TMTC2: variants seen among roughly 807,000 people sequenced by gnomAD.
TMTC2 encodes transmembrane O-mannosyltransferase targeting cadherins 2.
A neutral mutation model predicts 82.4 loss-of-function variants in TMTC2; 43 were observed. The observed-to-expected ratio is 0.52, with a 90% CI of 0.41 to 0.67. The LOEUF (loss-of-function observed/expected upper bound fraction) is 0.67, where lower values mean the gene tolerates loss of function less well. Ranked by LOEUF, TMTC2 falls within the 30% of genes least tolerant of loss-of-function variation. TMTC2 has a pLI of 0.00. For missense variants in TMTC2, 919 were observed against 1,012.4 expected (o/e 0.91, Z 1.25); for synonymous variants, 408 against 381.9 (o/e 1.07, Z -0.80).
chr12:82,929,437 G>A (rs891150055), intron 3 of TMTC2, among the ~76,000 whole-genome samples: 2 of 152,148 alleles, frequency 1.3e-5, no homozygotes, highest in African/African-American at 4.8e-5. Context: ...CCACTTTACA[G>A]ATAAAGTAAA....
chr12:83,044,417 C>A (rs1170182558), intron 9 of TMTC2, among the ~76,000 whole-genome samples: 1 of 152,100 alleles, frequency 6.6e-6, no homozygotes, highest in African/African-American at 2.4e-5. Flanking sequence ...TGGGGAAGAA[C>A]CTGTGCTGAT....
intron 2 of TMTC2, among the ~76,000 whole-genome samples, chr12:82,883,055 CAA>C (rs66496024): frequency 3.5e-3 from 241 of 68,234 alleles, no homozygotes; most frequent in African/African-American, 6.8e-3. Flanking sequence ...AACTTGGTCT[CAA>C]AAAAAAAAAA....
At chr12:83,055,944 T>C (rs1456236798) in intron 10 of TMTC2, among the ~76,000 whole-genome samples, 1 of 151,960 alleles carries the variant, frequency 6.6e-6, no homozygotes, top group Non-Finnish European at 1.5e-5. Flanking sequence ...TATTTACCAC[T>C]GGTAAAGCAG....
At chr12:82,726,216 G>A (rs1046624651) in intron 1 of TMTC2, among the ~76,000 whole-genome samples, 1 of 152,156 alleles carries the variant, frequency 6.6e-6, no homozygotes, top group Non-Finnish European at 1.5e-5. Context: ...TTTATGATTT[G>A]TAGGGCATGA....
intron 1 of TMTC2, among the ~76,000 whole-genome samples, chr12:82,800,387 C>T (rs559368079): frequency 7.9e-5 from 12 of 152,252 alleles, no homozygotes; most frequent in South Asian, 2.1e-4. Context: ...ACAAGTCCTA[C>T]GCTGTCATGA....
At chr12:82,899,378 C>A (rs2137186199) in intron 3 of TMTC2, among the ~76,000 whole-genome samples, 1 of 151,870 alleles carries the variant, frequency 6.6e-6, no homozygotes, top group East Asian at 1.9e-4. Context: ...CCTCTTTTCC[C>A]TTCATAGCTG....
At chr12:83,078,696 A>G (rs2137500735) in intron 11 of TMTC2, among the ~76,000 whole-genome samples, 1 of 152,262 alleles carries the variant, frequency 6.6e-6, no homozygotes, top group African/African-American at 2.4e-5. Context: ...TGTTTTAAGT[A>G]TTCTTAATTT....
At chr12:82,728,938 C>T (rs1210788771) in intron 1 of TMTC2, among the ~76,000 whole-genome samples, 6 of 152,342 alleles carry the variant, frequency 3.9e-5, no homozygotes, top group Middle Eastern at 3.4e-3. Context: ...GACTTCTCGT[C>T]GGGCCTTAGC....
At chr12:82,692,945 A>G (rs895893741) in intron 1 of TMTC2, among the ~76,000 whole-genome samples, 5 of 152,248 alleles carry the variant, frequency 3.3e-5, no homozygotes, top group African/African-American at 1.2e-4. Context: ...CTTTGAAGAT[A>G]TGATTTGTAT....
At chr12:82,890,261 G>A (rs1354626341) in intron 2 of TMTC2, among the ~76,000 whole-genome samples, 1 of 149,950 alleles carries the variant, frequency 6.7e-6, no homozygotes, top group Non-Finnish European at 1.5e-5. Flanking sequence ...TTTTTTTTCT[G>A]TTGGGTTTTT....
At chr12:82,715,834 A>G (rs2136919644) in intron 1 of TMTC2, among the ~76,000 whole-genome samples, 1 of 152,304 alleles carries the variant, frequency 6.6e-6, no homozygotes, top group East Asian at 1.9e-4. Flanking sequence ...AACATTTAGA[A>G]TATTTCACAT....
At chr12:82,874,474 G>A (rs770054996) in intron 2 of TMTC2, among the ~76,000 whole-genome samples, 13 of 152,122 alleles carry the variant, frequency 8.5e-5, no homozygotes, top group Non-Finnish European at 1.8e-4. Flanking sequence ...TGGGCTTCTT[G>A]TGCAGATATT....
intron 8 of TMTC2, among the ~76,000 whole-genome samples, chr12:82,993,471 CT>C (rs1242326094): frequency 6.6e-6 from 1 of 151,592 alleles, no homozygotes; most frequent in Non-Finnish European, 1.5e-5. Flanking sequence ...TATTGAATAA[CT>C]TTTTTTAAAG....
intron 1 of TMTC2, among the ~76,000 whole-genome samples, chr12:82,731,171 A>T (rs1166176690): frequency 2.0e-5 from 3 of 152,252 alleles, no homozygotes; most frequent in African/African-American, 7.2e-5. Context: ...GCATTGTCTC[A>T]GAGTCTGCAA....
chr12:83,081,259 T>C (rs1883457363), intron 11 of TMTC2, among the ~76,000 whole-genome samples: 1 of 152,246 alleles, frequency 6.6e-6, no homozygotes, highest in Non-Finnish European at 1.5e-5. Context: ...TTATTTCTTA[T>C]TGCATGTAAC....
intron 1 of TMTC2, among the ~76,000 whole-genome samples, chr12:82,821,826 C>T (rs1199406863): frequency 6.8e-6 from 1 of 146,942 alleles, no homozygotes; most frequent in Non-Finnish European, 1.5e-5. Context: ...ACCGAGGTTG[C>T]AGTGAGCCGA....
At chr12:82,728,097 AC>A (rs1874555906) in intron 1 of TMTC2, among the ~76,000 whole-genome samples, 1 of 151,932 alleles carries the variant, frequency 6.6e-6, no homozygotes, top group Admixed American at 6.6e-5. Flanking sequence ...TTTGCAATGC[AC>A]ACATTAGAAT....
At chr12:82,730,530 T>C (rs1874738744) in intron 1 of TMTC2, among the ~76,000 whole-genome samples, 1 of 152,194 alleles carries the variant, frequency 6.6e-6, no homozygotes, top group Non-Finnish European at 1.5e-5. Flanking sequence ...TGACTCTAGT[T>C]AGATTTGTGA....
At chr12:82,936,132 C>T (rs1876305073) in intron 4 of TMTC2, among the ~76,000 whole-genome samples, 2 of 151,834 alleles carry the variant, frequency 1.3e-5, no homozygotes, top group Admixed American at 6.6e-5. Flanking sequence ...TATATATATA[C>T]TTCTTCTTGG....
Sources: allele counts gnomAD v4.1 joint callset (sites outside exome capture counted in the v4.1 genomes callset), GRCh38; gene constraint gnomAD v4.1.1; transcripts MANE v1.5; gene names NCBI Gene and HGNC (gene_info 2026-07-23, HGNC 2026-07-21).